F11R: variants seen among roughly 807,000 people sequenced by gnomAD.
F11R encodes the protein junctional adhesion molecule A.
In F11R, 27 loss-of-function variants were observed where a neutral mutation model predicts 39.3. The ratio of observed to expected loss-of-function variants is 0.69; its 90% CI spans 0.51 to 0.95. The LOEUF (loss-of-function observed/expected upper bound fraction) is 0.95, where lower values mean the gene tolerates loss of function less well. F11R is among the 40% of genes least tolerant of loss of function. F11R has a pLI of 0.00. For missense variants in F11R, 335 were observed against 372.7 expected (o/e 0.90, Z 0.83); for synonymous variants, 131 against 144.9 (o/e 0.90, Z 0.69).
chr1:161,007,129 C>G (rs1315795300), intron 1 of F11R, among the ~76,000 whole-genome samples: 1 of 146,360 alleles, frequency 6.8e-6, no homozygotes, highest in African/African-American at 2.6e-5. Flanking sequence ...TGAGATCGTG[C>G]CATTGCACTC....
At position 161,000,707 on chromosome 1, in the gene F11R, A is replaced by G. The variant is rs1344429800; in HGVS notation, c.312T>C (p.Thr104=). The change falls in exon 4 of 10, where the codon ACT becomes ACC. Residue 104 remains threonine (T), a synonymous_variant. Coordinates refer to ENST00000368026, the MANE Select transcript of F11R (RefSeq NM_016946.6). The stretch of plus-strand genomic sequence containing the variant: ...CAGAGACCATACAAGTGTATGTCCC[A>G]GTGTCTTCCCGTGTCACGGACTTGA... ...ITFKSVTRED[T]GTYTCMVSEE... The G allele has an allele frequency of 1.9e-6, 3 of 1,614,182 alleles. No individual in the cohort carries two copies. The Admixed American group carries it at 5.0e-5, about 27-fold the overall frequency.
At chr1:161,011,470 G>A (rs1649155307) in intron 1 of F11R, among the ~76,000 whole-genome samples, 2 of 152,114 alleles carry the variant, frequency 1.3e-5, no homozygotes, top group South Asian at 2.1e-4. Flanking sequence ...GGCCAGGCGC[G>A]GTGGCTCACA....
chr1:161,002,261 CAAAAAAAAAAA>C (rs34007325), intron 1 of F11R, among the ~76,000 whole-genome samples: 5 of 68,668 alleles, frequency 7.3e-5, no homozygotes, highest in Admixed American at 5.1e-4. Context: ...GACTCAATCT[CAAAAAAAAAAA>C]AAAAAAAAAA....
At chr1:161,002,762 A>C (rs1648563140) in intron 1 of F11R, 1 of 152,084 alleles carries the variant, frequency 6.6e-6, no homozygotes, top group African/African-American at 2.4e-5. Context: ...ATGTGCTCTA[A>C]AGTCCTTTAG....
chr1:161,001,112 C>G lies in F11R; in HGVS notation c.149G>C (p.Cys50Ser). 6 of 1,614,060 alleles carry G rather than the reference C, an allele frequency of 3.7e-6. No homozygotes were observed. The highest frequency in any genetic ancestry group is 5.1e-6 in the Non-Finnish European group (6 of 1,179,996). ...GGGAGAAGAAAAGCCCGAGTAGGCACAGGACAACTTCACAGCTGCAGACAG... is the reference window on the plus strand; with the variant it reads ...GGGAGAAGAAAAGCCCGAGTAGGCAGAGGACAACTTCACAGCTGCAGACAG... ...IPENNPVKLS[C>S]AYSGFSSPRV... Residue 50 changes from cysteine to serine, a missense_variant, in exon 3 of 10, where the codon TGT becomes TCT. Coordinates refer to ENST00000368026, the MANE Select transcript of F11R (RefSeq NM_016946.6).
At chr1:161,003,351 G>A (rs1193695497) in intron 1 of F11R, among the ~76,000 whole-genome samples, 3 of 151,812 alleles carry the variant, frequency 2.0e-5, no homozygotes, top group South Asian at 2.1e-4. Flanking sequence ...TCGAACTCCC[G>A]ACTTCAGGTG....
chr1:161,013,177 G>A (rs990546775), intron 1 of F11R, among the ~76,000 whole-genome samples: 5 of 151,732 alleles, frequency 3.3e-5, no homozygotes, highest in Admixed American at 6.6e-5. Context: ...GAAAAGGAGG[G>A]AAAACAGTCA....
chr1:161,007,137 C>T (rs1302300837), intron 1 of F11R, among the ~76,000 whole-genome samples: 1 of 147,066 alleles, frequency 6.8e-6, no homozygotes, highest in Non-Finnish European at 1.5e-5. Flanking sequence ...TGCCATTGCA[C>T]TCCAGCCTGG....
chr1:160,996,477 C>G lies in F11R; in HGVS notation c.*2394G>C, dbSNP rs1056483808. ...CAGAACTGAAACATACTTTAAAAAT[C>G]TCATCCTTGGCTAGGCACGGTGGCT... On this transcript the variant is annotated 3_prime_UTR_variant, in exon 10 of 10. Transcript: ENST00000368026. 1 of 152,290 alleles carries G rather than the reference C, an allele frequency of 6.6e-6. No individual in the cohort carries two copies. Among genetic ancestry groups the G allele is most frequent in the Admixed American group, 6.5e-5 (1 of 15,276 alleles). 9.4% of individuals were successfully genotyped at this position (152,290 alleles called of 1,614,324 possible). A position where few individuals can be genotyped will look rare whatever the true frequency, so the allele number is the denominator to read the frequency against.
chr1:160,997,631 G>A lies in F11R; in HGVS notation c.*1240C>T, dbSNP rs1478894327. On this transcript the variant is annotated 3_prime_UTR_variant, in exon 10 of 10. Coordinates refer to ENST00000368026, the MANE Select transcript of F11R (RefSeq NM_016946.6). ...AAGCAAGGCTTTGAGGCATTTTCCTGTTGTACAAAGGAGCCTAGGAACCCT... is the reference window on the plus strand; with the variant it reads ...AAGCAAGGCTTTGAGGCATTTTCCTATTGTACAAAGGAGCCTAGGAACCCT... 1 of 152,894 alleles carries A rather than the reference G, an allele frequency of 6.5e-6. No homozygotes were observed. Among genetic ancestry groups the A allele is most frequent in the African/African-American group, 2.4e-5 (1 of 41,568 alleles). 9.5% of individuals were successfully genotyped at this position (152,894 alleles called of 1,614,324 possible). A position where few individuals can be genotyped will look rare whatever the true frequency, so the allele number is the denominator to read the frequency against.
At chr1:161,018,460 C>T (rs368728022) in intron 1 of F11R, among the ~76,000 whole-genome samples, 1 of 152,158 alleles carries the variant, frequency 6.6e-6, no homozygotes, top group African/African-American at 2.4e-5. Context: ...CCTTTTTTAC[C>T]TACTCAGCTA....
chr1:161,000,534 G>A (rs902220450), intron 4 of F11R, 97 bp downstream of exon 4: 1 of 1,546,212 alleles, frequency 6.5e-7, no homozygotes, highest in Non-Finnish European at 8.9e-7. Context: ...TAGCCCACCT[G>A]TGGGTATTCT....
Position 161,001,369 on chromosome 1 carries a change from G to A in F11R, c.65-16C>T. 6.2e-7 allele frequency: 1 copy of A among 1,610,216 alleles called. No homozygotes were observed. The highest frequency in any genetic ancestry group is 8.5e-7 in the Non-Finnish European group (1 of 1,176,496). On this transcript the variant is annotated splice_polypyrimidine_tract_variant and intron_variant, in intron 1 of 9. Transcript: ENST00000368026. Reference sequence around the variant, plus strand: ...GCCAGGGAGCCTAAGGAGAAAGAAAGAGGTGGGCCCTGTCAGGAGTGGACA... The same window carrying A: ...GCCAGGGAGCCTAAGGAGAAAGAAAAAGGTGGGCCCTGTCAGGAGTGGACA...
In F11R at chr1:161,009,711, T is replaced by G. The variant is rs1171439577; in HGVS notation, c.65-8358A>C. Among the ~76,000 whole-genome samples, 57 of 152,204 alleles carry G rather than the reference T, an allele frequency of 3.7e-4. No homozygotes were observed. In the East Asian group the frequency reaches 0.011, roughly 29 times the overall value. On this transcript the variant is annotated intron_variant, in intron 1 of 9. Coordinates refer to ENST00000368026, the MANE Select transcript of F11R (RefSeq NM_016946.6). The stretch of plus-strand genomic sequence containing the variant: ...GGCCGGGTGCGGTGGCTCACGCCTA[T>G]AATCCCAGCACTTTGGGAGGCCGAT...
chr1:161,016,165 C>T (rs1286035248), intron 1 of F11R, among the ~76,000 whole-genome samples: 1 of 151,980 alleles, frequency 6.6e-6, no homozygotes, highest in Non-Finnish European at 1.5e-5. Flanking sequence ...TGGTGAAAAC[C>T]CGTCTCTACT....
At chr1:161,001,472 C>G in intron 1 of F11R, 119 bp from the exon 2 acceptor site, 3 of 779,144 alleles carry the variant, frequency 3.9e-6, no homozygotes, top group Non-Finnish European at 6.3e-6. Context: ...GGAAGGGATT[C>G]CAGACTTATG....
chr1:161,001,317 G>T lies in F11R; in HGVS notation c.101C>A (p.Ser34Tyr). 3 of 1,614,092 alleles carry T rather than the reference G, an allele frequency of 1.9e-6. No individual in the cohort carries two copies. Among genetic ancestry groups the T allele is most frequent in the Non-Finnish European group, 2.5e-6 (3 of 1,180,016 alleles). The change falls in exon 2 of 10, where the codon TCT becomes TAT. Residue 34 changes from serine (S) to tyrosine (Y), a missense_variant. Coordinates refer to ENST00000368026, the MANE Select transcript of F11R (RefSeq NM_016946.6). Reference sequence around the variant, plus strand: ...CTCAGGAATTCTGACTTCAGGTTCAGAAGAGTGCACTGTAACACTGCCCAA... The same window carrying T: ...CTCAGGAATTCTGACTTCAGGTTCATAAGAGTGCACTGTAACACTGCCCAA... ...LALGSVTVHS[S>Y]EPEVRIPENN...
chr1:161,006,080 G>A (rs1457550815), intron 1 of F11R, among the ~76,000 whole-genome samples: 1 of 151,618 alleles, frequency 6.6e-6, no homozygotes, highest in African/African-American at 2.4e-5. Flanking sequence ...GAAGGTTGCC[G>A]TGAGCCAAGA....
intron 1 of F11R, among the ~76,000 whole-genome samples, chr1:161,016,619 T>C (rs1649479623): frequency 6.6e-6 from 1 of 151,916 alleles, no homozygotes; most frequent in African/African-American, 2.4e-5. Context: ...ATCATGCTAC[T>C]GCATTCCAGC....
Sources: gnomAD v4.1 joint callset for allele counts (sites outside exome capture counted in the v4.1 genomes callset) on GRCh38, gnomAD v4.1.1 for gene constraint, MANE v1.5 for transcripts, NCBI Gene and HGNC (gene_info 2026-07-23, HGNC 2026-07-21) for gene names.